The following MAP2K5 variants were observed in gnomAD, a reference collection of about 807,000 sequenced individuals.
MAP2K5 encodes the protein mitogen-activated protein kinase kinase 5, also known as dual specificity mitogen-activated protein kinase kinase 5.
A neutral mutation model predicts 83.1 loss-of-function variants in MAP2K5; 49 were observed. That is an observed-to-expected ratio of 0.59 (90% CI 0.47 to 0.75). The LOEUF is 0.75. Ranked by LOEUF, MAP2K5 falls within the 30% of genes least tolerant of loss-of-function variation. The pLI is 0.00. For missense variants in MAP2K5, 457 were observed against 557.5 expected (o/e 0.82, Z 1.82); for synonymous variants, 202 against 191.8 (o/e 1.05, Z -0.44).
intron 13 of MAP2K5, among the ~76,000 whole-genome samples, chr15:67,678,392 T>C (rs2087732351): frequency 6.6e-6 from 1 of 152,198 alleles, no homozygotes; most frequent in Non-Finnish European, 1.5e-5. Flanking sequence ...TCTGCCTCCA[T>C]TGTCATCCCA....
chr15:67,741,327 T>C (rs1159168821), intron 17 of MAP2K5, among the ~76,000 whole-genome samples: 1 of 152,210 alleles, frequency 6.6e-6, no homozygotes, highest in East Asian at 1.9e-4. Context: ...ACTGCATGAC[T>C]GTAAAGCCTA....
intron 8 of MAP2K5, among the ~76,000 whole-genome samples, chr15:67,625,849 T>G (rs541510146): frequency 6.6e-6 from 1 of 152,324 alleles, no homozygotes; most frequent in South Asian, 2.1e-4. Context: ...TTTAATTCAC[T>G]TGGAAATAGG....
chr15:67,625,724 G>C (rs2086302432), intron 8 of MAP2K5, among the ~76,000 whole-genome samples: 1 of 152,140 alleles, frequency 6.6e-6, no homozygotes. Context: ...ATGTTAAATT[G>C]GTACTGTCAT....
intron 12 of MAP2K5, chr15:67,658,904 G>T: frequency 2.1e-6 from 1 of 466,698 alleles, no homozygotes; most frequent in Non-Finnish European, 4.2e-6. Flanking sequence ...AAAAAATGCT[G>T]TTTTTTGTTT....
At chr15:67,564,206 T>C (rs1025467564) in intron 3 of MAP2K5, among the ~76,000 whole-genome samples, 5 of 152,238 alleles carry the variant, frequency 3.3e-5, no homozygotes, top group Admixed American at 6.5e-5. Context: ...GTGCTGTAGT[T>C]GCCTCATCTG....
At chr15:67,570,866 T>G (rs2140977692) in intron 3 of MAP2K5, among the ~76,000 whole-genome samples, 1 of 152,276 alleles carries the variant, frequency 6.6e-6, no homozygotes, top group South Asian at 2.1e-4. Context: ...ATTTTATCAT[T>G]AGTATGAAAA....
At chr15:67,685,705 C>G (rs752738518) in intron 13 of MAP2K5, among the ~76,000 whole-genome samples, 2 of 151,850 alleles carry the variant, frequency 1.3e-5, no homozygotes, top group Non-Finnish European at 2.9e-5. Flanking sequence ...AATGAAATAC[C>G]CTAATATTAC....
At position 67,559,283 on chromosome 15, in the gene MAP2K5, G is replaced by C. The variant is rs1268122097; in HGVS notation, c.185-4000G>C. ...TGTAGCTCTTTGTAGAAGCTAGATT[G>C]TTTCTCTTGAAAGCCTTCTTGAGCC... is the stretch of plus-strand genomic sequence containing the variant. On this transcript the variant is annotated intron_variant, in intron 2 of 21. Coordinates refer to ENST00000178640, the MANE Select transcript of MAP2K5 (RefSeq NM_145160.3). This position sits in a 1 kb window ranked among gnomAD's most constrained non-coding sequence, Gnocchi z 4.7. Among the ~76,000 whole-genome samples the C allele has an allele frequency of 6.6e-6, 1 of 152,152 alleles. No individual in the cohort carries two copies. Among genetic ancestry groups the C allele is most frequent in the Admixed American group, 6.5e-5 (1 of 15,282 alleles).
intron 11 of MAP2K5, among the ~76,000 whole-genome samples, chr15:67,650,244 T>C (rs1243197182): frequency 6.6e-6 from 1 of 152,216 alleles, no homozygotes; most frequent in East Asian, 1.9e-4. Flanking sequence ...GTTCTCTATA[T>C]ACAAGATAAT....
rs2084338548 is a variant in MAP2K5 at position 67,543,600 on chromosome 15, T to C, written c.135+130T>C. Reference sequence around the variant, plus strand: ...CTGGCTTCCTGTGGAGGCAGTTTTATTGCTTCAGGCACAGCATTGATAAAT... The same window carrying C: ...CTGGCTTCCTGTGGAGGCAGTTTTACTGCTTCAGGCACAGCATTGATAAAT... On this transcript the variant is annotated intron_variant, in intron 1 of 21. Transcript: ENST00000178640. The surrounding 1 kb of genome is among the most constrained non-coding windows in gnomAD (Gnocchi z 4.3). The C allele has an allele frequency of 4.0e-6, 4 of 1,006,012 alleles. No individual in the cohort carries two copies. Among genetic ancestry groups the C allele is most frequent in the African/African-American group, 1.6e-5 (1 of 62,692 alleles). 62.3% of individuals were successfully genotyped at this position (1,006,012 alleles called of 1,614,324 possible).
chr15:67,669,557 C>T lies in MAP2K5; in HGVS notation c.847+4912C>T, dbSNP rs1013445536. On this transcript the variant is annotated intron_variant, in intron 13 of 21. Transcript: ENST00000178640. ...GTGTGGGAGACAAGAGTAGAATCAG[C>T]TGTTAGGAAAATGTTTTGGTAATTC... Among the ~76,000 whole-genome samples the T allele has an allele frequency of 5.3e-5, 8 of 151,994 alleles. No homozygotes were observed. The East Asian group carries it at 5.8e-4, about 11-fold the overall frequency.
intron 8 of MAP2K5, among the ~76,000 whole-genome samples, chr15:67,620,830 G>A (rs189882911): frequency 6.6e-6 from 1 of 152,242 alleles, no homozygotes; most frequent in Admixed American, 6.5e-5. Context: ...CTAAAACAGT[G>A]AATAGAATGT....
chr15:67,593,079 T>C lies in MAP2K5; in HGVS notation c.480+105T>C, dbSNP rs1011261570. ...ACAGATAAAGAGTCTGTGAGTTTCC[T>C]GTCATAAATGAATAACATGGCTTAA... On this transcript the variant is annotated intron_variant, in intron 7 of 21. Coordinates refer to ENST00000178640, the MANE Select transcript of MAP2K5 (RefSeq NM_145160.3). 1.8e-5 allele frequency: 13 copies of C among 706,016 alleles called. No individual in the cohort carries two copies. In the Admixed American group the frequency reaches 3.0e-4, roughly 16 times the overall value. 43.7% of individuals were successfully genotyped at this position (706,016 alleles called of 1,614,324 possible).
rs2090074035 is a variant in MAP2K5, at chr15:67,768,052, GTTTTTTGTTGTCT to G, written c.1135-1549_1135-1537del. ...TTTCTTTTCTTGTAGCCTCTTCGGT[GTTTTTTGTTGTCT>G]GTTTTTTGTTGTTTTTGTTTGTTTT... On this transcript the variant is annotated intron_variant, in intron 19 of 21. Coordinates refer to ENST00000178640, the MANE Select transcript of MAP2K5 (RefSeq NM_145160.3). The surrounding 1 kb of genome is among the most constrained non-coding windows in gnomAD (Gnocchi z 4.0). Among the ~76,000 whole-genome samples the G allele has an allele frequency of 4.6e-5, 7 of 152,052 alleles. No homozygotes were observed. In the South Asian group the frequency reaches 1.2e-3, roughly 27 times the overall value.
At chr15:67,590,295 T>C (rs2085370571) in intron 6 of MAP2K5, among the ~76,000 whole-genome samples, 1 of 152,194 alleles carries the variant, frequency 6.6e-6, no homozygotes, top group Admixed American at 6.5e-5. Context: ...TCTGAGATTC[T>C]CTCAAATGTA....
rs893778427 is a variant in MAP2K5, at chr15:67,573,629, C to T, written c.253-7125C>T. Among the ~76,000 whole-genome samples the T allele has an allele frequency of 3.9e-5, 6 of 151,996 alleles. No homozygotes were observed. The highest frequency in any genetic ancestry group is 7.3e-5 in the African/African-American group (3 of 41,362). ...AAAATGAGGCTGCGACCTGCTGGGC[C>T]GCAGCCCCAGGAAGTCAGGCATTCT... On this transcript the variant is annotated intron_variant, in intron 3 of 21. Coordinates refer to ENST00000178640, the MANE Select transcript of MAP2K5 (RefSeq NM_145160.3). The surrounding 1 kb of genome is among the most constrained non-coding windows in gnomAD (Gnocchi z 4.2).
At chr15:67,625,812 T>C (rs1368920529) in intron 8 of MAP2K5, among the ~76,000 whole-genome samples, 3 of 152,172 alleles carry the variant, frequency 2.0e-5, no homozygotes, top group Admixed American at 2.0e-4. Context: ...TTAGCGTGCA[T>C]CATAATTAAA....
chr15:67,784,895 C>T (rs1383256180), intron 21 of MAP2K5, among the ~76,000 whole-genome samples: 1 of 152,178 alleles, frequency 6.6e-6, no homozygotes, highest in Non-Finnish European at 1.5e-5. Context: ...TCGTGTTTAG[C>T]TGAACTCGGA....
Position 67,794,610 on chromosome 15 carries a change from G to C in MAP2K5, c.1243-12036G>C, listed in dbSNP as rs1021346147. On this transcript the variant is annotated intron_variant, in intron 21 of 21. Coordinates refer to ENST00000178640, the MANE Select transcript of MAP2K5 (RefSeq NM_145160.3). This position sits in a 1 kb window ranked among gnomAD's most constrained non-coding sequence, Gnocchi z 4.6. Reference sequence around the variant, plus strand: ...ACCCTCAGCAGCCCATTCCACTGAGGGTCGGGTAACTCTGGAACATCACAG... The same window carrying C: ...ACCCTCAGCAGCCCATTCCACTGAGCGTCGGGTAACTCTGGAACATCACAG... Among the ~76,000 whole-genome samples the C allele has an allele frequency of 6.1e-5, 9 of 148,394 alleles. No homozygotes were observed. Among genetic ancestry groups the C allele is most frequent in the Non-Finnish European group, 8.9e-5 (6 of 67,624 alleles).
Sources: gnomAD v4.1 joint callset for allele counts (sites outside exome capture counted in the v4.1 genomes callset) on GRCh38, gnomAD v4.1.1 for gene constraint, Gnocchi (gnomAD v3.1) non-coding constraint, MANE v1.5 for transcripts, NCBI Gene and HGNC (gene_info 2026-07-23, HGNC 2026-07-21) for gene names.